PLEKHA6: variants seen among roughly 807,000 people sequenced by gnomAD.
PLEKHA6 encodes the protein pleckstrin homology domain containing A6, also known as pleckstrin homology domain-containing family A member 6.
A neutral mutation model predicts 116.7 loss-of-function variants in PLEKHA6; 60 were observed. That is an observed-to-expected ratio of 0.51 (90% confidence interval 0.42 to 0.64). The LOEUF is 0.64. Ranked by LOEUF, PLEKHA6 falls within the 30% of genes least tolerant of loss-of-function variation. The pLI, the probability that PLEKHA6 is intolerant of heterozygous loss-of-function variation, is 0.00. For synonymous variants in PLEKHA6, 489 were observed against 556.1 expected, an observed-to-expected ratio of 0.88 and a Z score of 1.70; for missense variants, 1,338 against 1,422.7, an observed-to-expected ratio of 0.94 and a Z score of 0.96.
chr1:204,332,201 C>A (rs184060639), intron 1 of PLEKHA6, among the ~76,000 whole-genome samples: 32 of 152,314 alleles, frequency 2.1e-4, no homozygotes, highest in African/African-American at 7.5e-4. Flanking sequence ...AGCCAATGTG[C>A]TTGTTCCATA....
intron 5 of PLEKHA6, among the ~76,000 whole-genome samples, chr1:204,265,391 T>C (rs1194550648): frequency 6.6e-6 from 1 of 152,208 alleles, no homozygotes; most frequent in Non-Finnish European, 1.5e-5. Context: ...CTAAGTGAAA[T>C]GCCTTCATGG....
At chr1:204,245,479 A>C (rs945680518) in intron 14 of PLEKHA6, 136 bp downstream of exon 14, 2 of 620,900 alleles carry the variant, frequency 3.2e-6, no homozygotes, top group African/African-American at 3.7e-5. Flanking sequence ...ACCCAGGGGA[A>C]GATTCTGGTG....
intron 1 of PLEKHA6, among the ~76,000 whole-genome samples, chr1:204,278,994 T>G (rs1668311677): frequency 6.6e-6 from 1 of 152,154 alleles, no homozygotes; most frequent in Non-Finnish European, 1.5e-5. Context: ...GAGAGAAGCT[T>G]TGCTTCTGCC....
chr1:204,369,987 C>T (rs910359074), intron 2 of PLEKHA6, among the ~76,000 whole-genome samples: 2 of 152,184 alleles, frequency 1.3e-5, no homozygotes, highest in African/African-American at 4.8e-5. Flanking sequence ...TTTTGAGGTT[C>T]ATAATCCTCT....
At chr1:204,329,562 A>G (rs1558184805) in intron 1 of PLEKHA6, among the ~76,000 whole-genome samples, 1 of 152,240 alleles carries the variant, frequency 6.6e-6, no homozygotes, top group Non-Finnish European at 1.5e-5. Context: ...ACAACCAGAC[A>G]TCGTGTGCCT....
At chr1:204,230,620 G>A in intron 17 of PLEKHA6, 34 bp from the exon 18 acceptor site, 1 of 1,552,276 alleles carries the variant, frequency 6.4e-7, no homozygotes. Flanking sequence ...TCTGACAAGT[G>A]CCTTATCCCC....
intron 3 of PLEKHA6, among the ~76,000 whole-genome samples, chr1:204,367,154 G>A (rs1673679057): frequency 6.6e-6 from 1 of 152,106 alleles, no homozygotes; most frequent in African/African-American, 2.4e-5. Flanking sequence ...CACCACCCCA[G>A]CCCAAAGAGC....
intron 1 of PLEKHA6, among the ~76,000 whole-genome samples, chr1:204,299,423 G>A (rs1338036191): frequency 2.0e-5 from 3 of 152,308 alleles, no homozygotes; most frequent in South Asian, 2.1e-4. Flanking sequence ...GAGCCCCTGG[G>A]ATGTTTAAGA....
rs1261591814 is a variant in PLEKHA6 at position 204,219,689 on chromosome 1, AC to A, written c.*3098del. On this transcript the variant is annotated 3_prime_UTR_variant, in exon 23 of 23. Transcript: ENST00000272203. ...TAGATTCCCAAGCCCTTGATTTCAGACCTAGACAAAGACTTCCATCCTGCCC... is the reference window on the plus strand; with the variant it reads ...TAGATTCCCAAGCCCTTGATTTCAGACTAGACAAAGACTTCCATCCTGCCC... 1.3e-5 allele frequency: 2 copies of A among 152,156 alleles called. No individual in the cohort carries two copies. Among genetic ancestry groups the A allele is most frequent in the Non-Finnish European group, 2.9e-5 (2 of 68,044 alleles). 9.4% of individuals were successfully genotyped at this position (152,156 alleles called of 1,614,324 possible).
chr1:204,335,111 G>A (rs1276145123), intron 1 of PLEKHA6, among the ~76,000 whole-genome samples: 1 of 151,896 alleles, frequency 6.6e-6, no homozygotes, highest in Non-Finnish European at 1.5e-5. Flanking sequence ...ACTTGATCTG[G>A]ATGAGATCAC....
At chr1:204,349,331 G>A (rs992495286) in intron 1 of PLEKHA6, among the ~76,000 whole-genome samples, 11 of 152,152 alleles carry the variant, frequency 7.2e-5, no homozygotes, top group African/African-American at 9.7e-5. Context: ...TTGAGGTCAG[G>A]AGTTCGAGAC....
chr1:204,305,218 C>T (rs961137870), intron 1 of PLEKHA6, among the ~76,000 whole-genome samples: 1 of 152,236 alleles, frequency 6.6e-6, no homozygotes, highest in East Asian at 1.9e-4. Flanking sequence ...TTCCACTCTG[C>T]CTTCCCTATC....
chr1:204,241,242 C>G (rs1400382709), intron 17 of PLEKHA6, 133 bp downstream of exon 17: 2 of 621,576 alleles, frequency 3.2e-6, no homozygotes, highest in Admixed American at 2.8e-5. Flanking sequence ...GCTCTTGCCC[C>G]TCCTCTCACG....
At chr1:204,323,875 G>A (rs1672151100) in intron 1 of PLEKHA6, among the ~76,000 whole-genome samples, 1 of 152,194 alleles carries the variant, frequency 6.6e-6, no homozygotes, top group African/African-American at 2.4e-5. Context: ...ACAAAATCAG[G>A]TTAAATATCC....
chr1:204,377,519 A>G (rs1326098975), intron 1 of PLEKHA6: 1 of 152,270 alleles, frequency 6.6e-6, no homozygotes, highest in African/African-American at 2.4e-5. Context: ...CAGCCCCGCC[A>G]CTTTTCAAGT....
At position 204,221,380 on chromosome 1, in the gene PLEKHA6, C is replaced by T. The variant is rs4631764; in HGVS notation, c.*1408G>A. On this transcript the variant is annotated 3_prime_UTR_variant, in exon 23 of 23. Coordinates refer to ENST00000272203, the MANE Select transcript of PLEKHA6 (RefSeq NM_014935.5). ...AGAGAAGGCCGAGGGGCCACGGTGT[C>T]TTCAGTTTCCCTCCTTCCTCCTCTC... The T allele has an allele frequency of 0.4, 60,344 of 152,530 alleles. 12,060 individuals carry two copies. Among genetic ancestry groups the T allele is most frequent in the East Asian group, 0.51 (2,606 of 5,158 alleles). 9.4% of individuals were successfully genotyped at this position (152,530 alleles called of 1,614,324 possible).
In PLEKHA6 at chr1:204,227,806, C is replaced by T. The variant is rs535808100; in HGVS notation, c.3031+277G>A. ...GACCTGCCCAAGCAGAATGGCTCCC[C>T]ATGCTCTGCATGGCCTCTGGCCATT... is the stretch of plus-strand genomic sequence containing the variant. On this transcript the variant is annotated intron_variant, in intron 21 of 22. Transcript: ENST00000272203. 7.2e-5 allele frequency among the ~76,000 whole-genome samples: 11 copies of T among 152,314 alleles called. No homozygotes were observed. In the South Asian group the frequency reaches 2.3e-3, roughly 32 times the overall value.
intron 1 of PLEKHA6, chr1:204,347,280 G>T: frequency 1.1e-6 from 1 of 921,446 alleles, no homozygotes; most frequent in Non-Finnish European, 1.8e-6. Flanking sequence ...ACTGGAAGAT[G>T]GCAGTTATGG....
At chr1:204,316,261 G>A (rs1383803159) in intron 1 of PLEKHA6, among the ~76,000 whole-genome samples, 3 of 152,192 alleles carry the variant, frequency 2.0e-5, no homozygotes, top group African/African-American at 7.2e-5. Flanking sequence ...CATCGGGACT[G>A]ACAAGGGGAG....
Sources: allele counts gnomAD v4.1 joint callset (sites outside exome capture counted in the v4.1 genomes callset), GRCh38; gene constraint gnomAD v4.1.1; transcripts MANE v1.5; gene names NCBI Gene and HGNC (gene_info 2026-07-23, HGNC 2026-07-21).